The following SGCZ variants were observed in gnomAD, a reference collection of about 807,000 sequenced individuals.
SGCZ encodes zeta-sarcoglycan.
In SGCZ, 40 loss-of-function variants were observed where a neutral mutation model predicts 41.3. The observed-to-expected ratio is 0.97, with a 90% CI of 0.75 to 1.26. The LOEUF is 1.26. Among genes scored for constraint, SGCZ ranks in the 50% most tolerant of loss-of-function variants. SGCZ has a pLI of 0.00. For synonymous variants in SGCZ, 206 were observed against 137.5 expected, an observed-to-expected ratio of 1.50 and a Z score of -3.49; for missense variants, 552 against 369.8, an observed-to-expected ratio of 1.49 and a Z score of -4.04.
intron 2 of SGCZ, among the ~76,000 whole-genome samples, chr8:14,527,435 G>A (rs1334617414): frequency 6.6e-6 from 1 of 152,072 alleles, no homozygotes; most frequent in East Asian, 1.9e-4. Context: ...ATAAGTAGCT[G>A]GGACTACAGA....
intron 5 of SGCZ, among the ~76,000 whole-genome samples, chr8:14,118,464 C>G (rs1414995704): frequency 1.3e-5 from 2 of 152,056 alleles, no homozygotes; most frequent in Non-Finnish European, 2.9e-5. Flanking sequence ...GATATTAGCC[C>G]TTTGTCAGAT....
At chr8:15,198,370 T>A (rs117334849) in intron 1 of SGCZ, among the ~76,000 whole-genome samples, 1 of 152,046 alleles carries the variant, frequency 6.6e-6, no homozygotes, top group African/African-American at 2.4e-5. Context: ...TTCTTTTATA[T>A]AATAAATATG....
intron 1 of SGCZ, among the ~76,000 whole-genome samples, chr8:15,172,939 A>G (rs1442316207): frequency 6.6e-6 from 1 of 152,260 alleles, no homozygotes; most frequent in African/African-American, 2.4e-5. Context: ...AATACTAGTT[A>G]AATCCAAAGA....
chr8:14,341,585 C>A (rs1439473873), intron 2 of SGCZ, among the ~76,000 whole-genome samples: 1 of 152,088 alleles, frequency 6.6e-6, no homozygotes, highest in Non-Finnish European at 1.5e-5. Flanking sequence ...TCTCAAACTG[C>A]TTGCCAACTG....
At chr8:15,159,693 G>A in intron 1 of SGCZ, among the ~76,000 whole-genome samples, 1 of 144,280 alleles carries the variant, frequency 6.9e-6, no homozygotes, top group Non-Finnish European at 1.5e-5. Context: ...GAGTTTGAAG[G>A]TTTTTTTATT....
chr8:15,112,907 G>C (rs1054551405), intron 1 of SGCZ, among the ~76,000 whole-genome samples: 1 of 152,122 alleles, frequency 6.6e-6, no homozygotes, highest in African/African-American at 2.4e-5. Flanking sequence ...GTCATGCGTT[G>C]TGTGGGTAGT....
At chr8:14,314,685 G>A (rs367729076) in intron 3 of SGCZ, among the ~76,000 whole-genome samples, 152 of 152,192 alleles carry the variant, frequency 1.0e-3, no homozygotes, top group Admixed American at 4.5e-3. Context: ...TACATGGGTT[G>A]GTTCAAGGGC....
chr8:14,774,824 A>G (rs900395314), intron 1 of SGCZ, among the ~76,000 whole-genome samples: 3 of 152,146 alleles, frequency 2.0e-5, no homozygotes, highest in African/African-American at 7.2e-5. Context: ...TTATTATCCT[A>G]GCTGTTTTGC....
At chr8:14,504,116 C>A (rs908017921) in intron 2 of SGCZ, among the ~76,000 whole-genome samples, 47 of 152,022 alleles carry the variant, frequency 3.1e-4, no homozygotes, top group Non-Finnish European at 7.4e-5. Context: ...ATTTTTATTT[C>A]ATGACTGATG....
Position 15,237,570 on chromosome 8 carries a change from C to A in SGCZ, c.39+15G>T. ...CCGAGAAGCGGCCGCGAAGCCCGCCCGGACCCGCACGTACCTTGAGCTCCT... is the reference window on the plus strand; with the variant it reads ...CCGAGAAGCGGCCGCGAAGCCCGCCAGGACCCGCACGTACCTTGAGCTCCT... On this transcript the variant is annotated intron_variant, in intron 1 of 7. Transcript: ENST00000382080. 1 of 1,586,522 alleles carries A rather than the reference C, an allele frequency of 6.3e-7. No homozygotes were observed. The highest frequency in any genetic ancestry group is 1.3e-5 in the African/African-American group (1 of 74,372).
At chr8:14,372,150 T>TCAA (rs1472198533) in intron 2 of SGCZ, among the ~76,000 whole-genome samples, 15 of 152,042 alleles carry the variant, frequency 9.9e-5, no homozygotes, top group Non-Finnish European at 2.9e-5. Flanking sequence ...AATGACTAGG[T>TCAA]TTTAGATCCT....
At chr8:14,540,119 T>C (rs956284500) in intron 2 of SGCZ, among the ~76,000 whole-genome samples, 29 of 152,050 alleles carry the variant, frequency 1.9e-4, no homozygotes, top group African/African-American at 6.7e-4. Context: ...AGAAGGTCCT[T>C]TGTGTATGTA....
intron 1 of SGCZ, among the ~76,000 whole-genome samples, chr8:15,000,904 C>A (rs1802394839): frequency 6.6e-6 from 1 of 152,232 alleles, no homozygotes; most frequent in Admixed American, 6.5e-5. Flanking sequence ...CCTTAACCCA[C>A]CCACATGTGT....
chr8:14,378,067 A>G (rs1337129518), intron 2 of SGCZ, among the ~76,000 whole-genome samples: 1 of 149,958 alleles, frequency 6.7e-6, no homozygotes, highest in East Asian at 1.9e-4. Context: ...GCTGGGTCAA[A>G]TAGTATTTCT....
At chr8:14,297,697 A>G (rs185079290) in intron 3 of SGCZ, among the ~76,000 whole-genome samples, 2 of 152,238 alleles carry the variant, frequency 1.3e-5, no homozygotes, top group Non-Finnish European at 2.9e-5. Context: ...ACCTACATAA[A>G]AAGCAATAGA....
At chr8:14,442,150 G>C (rs1464454935) in intron 2 of SGCZ, among the ~76,000 whole-genome samples, 3 of 152,144 alleles carry the variant, frequency 2.0e-5, no homozygotes, top group Non-Finnish European at 4.4e-5. Context: ...CCTTGATATG[G>C]TTTGGCTGTG....
chr8:14,913,692 G>A (rs1199650268), intron 1 of SGCZ, among the ~76,000 whole-genome samples: 1 of 151,818 alleles, frequency 6.6e-6, no homozygotes, highest in Non-Finnish European at 1.5e-5. Flanking sequence ...AATTATGTGT[G>A]GGATATATTT....
intron 1 of SGCZ, among the ~76,000 whole-genome samples, chr8:14,726,902 A>C (rs1223085510): frequency 6.6e-6 from 1 of 152,154 alleles, no homozygotes; most frequent in Non-Finnish European, 1.5e-5. Flanking sequence ...TAGCAAAGAA[A>C]GTATTAAGGT....
At chr8:14,344,106 T>C (rs185217381) in intron 2 of SGCZ, among the ~76,000 whole-genome samples, 29 of 152,212 alleles carry the variant, frequency 1.9e-4, no homozygotes, top group Admixed American at 3.9e-4. Context: ...CAGCGAGAGA[T>C]TGGGAACTGC....
Sources: allele counts gnomAD v4.1 joint callset (sites outside exome capture counted in the v4.1 genomes callset), GRCh38; gene constraint gnomAD v4.1.1; transcripts MANE v1.5; gene names NCBI Gene and HGNC (gene_info 2026-07-23, HGNC 2026-07-21).